The following RBFOX1 variants were observed in gnomAD, a reference collection of about 807,000 sequenced individuals.
RBFOX1 encodes the protein RNA binding protein fox-1 homolog 1.
In RBFOX1, 8 loss-of-function variants were observed where a neutral mutation model predicts 57.7. That is an observed-to-expected ratio of 0.14 (90% confidence interval 0.08 to 0.25). The LOEUF is 0.25. Ranked by LOEUF, RBFOX1 falls within the 10% of genes least tolerant of loss-of-function variation. The pLI is 1.00. For missense variants in RBFOX1, 611 were observed against 548.5 expected, an observed-to-expected ratio of 1.11 and a Z score of -1.14; for synonymous variants, 326 against 222.4, an observed-to-expected ratio of 1.47 and a Z score of -4.15.
At chr16:6,182,506 CAT>C (rs1418413678) in intron 1 of RBFOX1, among the ~76,000 whole-genome samples, 1 of 152,154 alleles carries the variant, frequency 6.6e-6, no homozygotes, top group East Asian at 1.9e-4. Flanking sequence ...ACATAGTCTT[CAT>C]ATGTCTACAT....
chr16:6,615,335 C>G (rs1385700345), intron 2 of RBFOX1, among the ~76,000 whole-genome samples: 4 of 152,026 alleles, frequency 2.6e-5, no homozygotes, highest in South Asian at 2.1e-4. Context: ...TTTGGGAGGC[C>G]AAGGCGGGTG....
intron 4 of RBFOX1, among the ~76,000 whole-genome samples, chr16:7,083,734 C>A (rs2059553121): frequency 6.6e-6 from 1 of 152,106 alleles, no homozygotes; most frequent in African/African-American, 2.4e-5. Flanking sequence ...TAGAGATGGG[C>A]AAGAGCCTGG....
chr16:7,576,600 G>T (rs17144146), intron 5 of RBFOX1, among the ~76,000 whole-genome samples: 3 of 152,028 alleles, frequency 2.0e-5, no homozygotes, highest in Admixed American at 6.5e-5. Context: ...TTAATTGAGC[G>T]TTGTATGTTT....
At chr16:5,989,880 A>ACACACAGACACACACACC (rs33912010) in intron 4 of RBFOX1, among the ~76,000 whole-genome samples, 1 of 127,210 alleles carries the variant, frequency 7.9e-6, no homozygotes, top group Non-Finnish European at 1.7e-5. Context: ...ACACACACAC[A>ACACACAGACACACACACC]CCACCCCTGT....
chr16:7,564,730 C>A (rs570668983), intron 5 of RBFOX1, among the ~76,000 whole-genome samples: 60 of 152,182 alleles, frequency 3.9e-4, no homozygotes, highest in Non-Finnish European at 8.1e-4. Context: ...AAGACTAATA[C>A]AGACACCTAG....
rs116766250 is a variant in RBFOX1, at chr16:5,390,628, C to A, written c.220-76588C>A. ...TAAATGTCACAATATATCATGGATG[C>A]TTTTATGTTTTAGCCAGGCGAATCT... On this transcript the variant is annotated intron_variant, in intron 1 of 2. Transcript: ENST00000585867. 3.8e-3 allele frequency among the ~76,000 whole-genome samples: 583 copies of A among 152,192 alleles called. 2 individuals are homozygous for A. The highest frequency in any genetic ancestry group is 0.013 in the African/African-American group (553 of 41,546).
At chr16:6,621,977 T>C (rs987263030) in intron 2 of RBFOX1, among the ~76,000 whole-genome samples, 2 of 152,218 alleles carry the variant, frequency 1.3e-5, no homozygotes, top group Non-Finnish European at 2.9e-5. Flanking sequence ...ACATAATTGC[T>C]GCTAGGTTCG....
rs1461915630 is a variant in RBFOX1, at chr16:7,341,562, A to G, written c.28-176585A>G. On this transcript the variant is annotated intron_variant, in intron 4 of 15. Transcript: ENST00000550418. ...TCTCCACCCCACTGACCGACTCAGT[A>G]TGACGTCTTCATTGCTGTCAGTGGT... Among the ~76,000 whole-genome samples, 3 of 152,170 alleles carry G rather than the reference A, an allele frequency of 2.0e-5. No homozygotes were observed. The South Asian group carries it at 6.2e-4, about 32-fold the overall frequency.
intron 1 of RBFOX1, among the ~76,000 whole-genome samples, chr16:6,180,496 A>C (rs1487861715): frequency 1.3e-5 from 2 of 151,402 alleles, no homozygotes; most frequent in Non-Finnish European, 2.9e-5. Context: ...TGATTTTGGT[A>C]ATTTGAGTTT....
rs1274686705 is a variant in RBFOX1, at chr16:6,945,773, C to T, written c.-15-106284C>T. The stretch of plus-strand genomic sequence containing the variant: ...GAGGGTGGTGGCAGGCACCTGTAAT[C>T]CCAGCTACTTCGGAGGCCGAGACGG... On this transcript the variant is annotated intron_variant, in intron 3 of 15. Coordinates refer to ENST00000550418, the MANE Select transcript of RBFOX1 (RefSeq NM_018723.4). Among the ~76,000 whole-genome samples the T allele has an allele frequency of 2.6e-5, 4 of 152,170 alleles. No individual in the cohort carries two copies. The East Asian group carries it at 7.7e-4, about 29-fold the overall frequency.
intron 3 of RBFOX1, among the ~76,000 whole-genome samples, chr16:6,846,297 AAACATGGACACATCACAGACTCACTC>A (rs1315169083): frequency 6.6e-6 from 1 of 152,144 alleles, no homozygotes; most frequent in Non-Finnish European, 1.5e-5. Flanking sequence ...TGTCATCAAG[AAACATGGACACATCACAGACTCACTC>A]AACATGGACA....
intron 3 of RBFOX1, among the ~76,000 whole-genome samples, chr16:6,961,080 T>G (rs1198071722): frequency 4.8e-5 from 7 of 146,824 alleles, no homozygotes; most frequent in Non-Finnish European, 8.9e-5. Context: ...GAGGCGGGAG[T>G]TGCAGTGAGC....
At chr16:6,375,106 G>C (rs539746908) in intron 2 of RBFOX1, among the ~76,000 whole-genome samples, 4 of 152,238 alleles carry the variant, frequency 2.6e-5, no homozygotes, top group African/African-American at 9.6e-5. Context: ...GTGTGCACAG[G>C]GAGTATCAGA....
chr16:7,396,970 C>T (rs1224472109), intron 4 of RBFOX1, among the ~76,000 whole-genome samples: 4 of 152,004 alleles, frequency 2.6e-5, no homozygotes, highest in Non-Finnish European at 4.4e-5. Context: ...AGAAACATAG[C>T]AGGAAGGTAG....
At chr16:6,342,659 T>C (rs903063977) in intron 2 of RBFOX1, among the ~76,000 whole-genome samples, 1 of 152,218 alleles carries the variant, frequency 6.6e-6, no homozygotes, top group African/African-American at 2.4e-5. Flanking sequence ...TGCACATTCC[T>C]GTCCATTTCT....
intron 1 of RBFOX1, among the ~76,000 whole-genome samples, chr16:6,213,625 G>C (rs1049078254): frequency 2.0e-5 from 3 of 152,156 alleles, no homozygotes; most frequent in African/African-American, 7.2e-5. Flanking sequence ...GTATGAACCT[G>C]GGAGTCATGA....
chr16:7,112,679 G>GT (rs369771164), intron 4 of RBFOX1, among the ~76,000 whole-genome samples: 2,679 of 141,990 alleles, frequency 0.019, 83 homozygotes, highest in African/African-American at 0.063. Flanking sequence ...TGTGTGTGTG[G>GT]GTGTGGGTGT....
intron 1 of RBFOX1, among the ~76,000 whole-genome samples, chr16:6,095,467 A>G (rs919508274): frequency 4.6e-5 from 7 of 152,148 alleles, no homozygotes; most frequent in Non-Finnish European, 8.8e-5. Context: ...CAGTCCCAGC[A>G]TCTTCTTTTC....
intron 2 of RBFOX1, among the ~76,000 whole-genome samples, chr16:5,587,889 C>G (rs2151174190): frequency 6.6e-6 from 1 of 152,268 alleles, no homozygotes; most frequent in East Asian, 1.9e-4. Context: ...AACCTATGTC[C>G]TCATGATAAC....
Sources: allele counts gnomAD v4.1 joint callset (sites outside exome capture counted in the v4.1 genomes callset), GRCh38; gene constraint gnomAD v4.1.1; transcripts MANE v1.5; gene names NCBI Gene and HGNC (gene_info 2026-07-23, HGNC 2026-07-21).